Variants in PAM16 observed in about 807,000 individuals in gnomAD.
The protein encoded by PAM16 is presequence translocase associated motor 16, also known as mitochondrial import inner membrane translocase subunit TIM16.
Under a neutral mutation model 17.9 loss-of-function variants are expected in PAM16, and 11 were observed. The observed-to-expected ratio is 0.62, with a 90% CI of 0.39 to 1.02. PAM16 has a LOEUF of 1.02. Among genes scored for constraint, PAM16 ranks in the 50% least tolerant of loss-of-function variants. The probability of loss-of-function intolerance (pLI) is 0.01; values close to 1 mark genes in which losing one functional copy is unlikely to be tolerated. For synonymous variants in PAM16, 72 were observed against 67.4 expected, an observed-to-expected ratio of 1.07 and a Z score of -0.34; for missense variants, 199 against 165.4, an observed-to-expected ratio of 1.20 and a Z score of -1.11.
intron 1 of PAM16, among the ~76,000 whole-genome samples, chr16:4,344,551 C>CGTGAGAGGAGGGGGTTGT (rs2053714570): frequency 3.8e-4 from 1 of 2,658 alleles, no homozygotes. Context: ...GAGGGGGTTC[C>CGTGAGAGGAGGGGGTTGT]GTGAGAGGAG....
Position 4,351,303 on chromosome 16 carries a change from C to A in PAM16, c.-69G>T. 7.6e-7 allele frequency: 1 copy of A among 1,315,312 alleles called. No homozygotes were observed. The highest frequency in any genetic ancestry group is 1.0e-6 in the Non-Finnish European group (1 of 993,168). 81.5% of individuals were successfully genotyped at this position (1,315,312 alleles called of 1,614,324 possible). On this transcript the variant is annotated 5_prime_UTR_variant, in exon 1 of 5. Coordinates refer to ENST00000318059, the MANE Select transcript of PAM16 (RefSeq NM_016069.11). ...CCCGCGGCCGGGGATCAAGCGTGGT[C>A]GGCGGGTCAGAGGTCAAGGAAAGCC...
intron 1 of PAM16, chr16:4,350,846 G>A (rs1191780606): frequency 5.4e-6 from 1 of 186,610 alleles, no homozygotes; most frequent in African/African-American, 2.3e-5. Context: ...CACTTCCCTG[G>A]AAAGGCCAGC....
In PAM16 at chr16:4,351,128, G is replaced by A. The variant is rs548161499; in HGVS notation, c.3+104C>T. 5.9e-5 allele frequency: 33 copies of A among 556,596 alleles called. No homozygotes were observed. In the South Asian group the frequency reaches 1.9e-3, roughly 32 times the overall value. 34.5% of individuals were successfully genotyped at this position (556,596 alleles called of 1,614,324 possible). On this transcript the variant is annotated intron_variant, in intron 1 of 4. Coordinates refer to ENST00000318059, the MANE Select transcript of PAM16 (RefSeq NM_016069.11). Reference sequence around the variant, plus strand: ...ACCATGCTTCCCGCCGGGCACGCAGGGGGCGCACGGCGCCCGCCGCCCAGC... The same window carrying A: ...ACCATGCTTCCCGCCGGGCACGCAGAGGGCGCACGGCGCCCGCCGCCCAGC...
intron 2 of PAM16, among the ~76,000 whole-genome samples, chr16:4,342,541 C>A (rs146655300): frequency 0.018 from 2,719 of 151,258 alleles, 78 homozygotes; most frequent in African/African-American, 0.061. Context: ...GTAGTCCCAG[C>A]TACTCAGGAG....
At position 4,351,255 on chromosome 16, in the gene PAM16, G is replaced by T. The variant is rs759696339; in HGVS notation, c.-21C>A. Reference sequence around the variant, plus strand: ...ACCATGGCAGCCGCTCTGCCTCCGGGGCTCAAACTCCGACTTCCTGGCCCC... The same window carrying T: ...ACCATGGCAGCCGCTCTGCCTCCGGTGCTCAAACTCCGACTTCCTGGCCCC... On this transcript the variant is annotated 5_prime_UTR_variant, in exon 1 of 5. Transcript: ENST00000318059. 4 of 1,467,834 alleles carry T rather than the reference G, an allele frequency of 2.7e-6. No individual in the cohort carries two copies. Among genetic ancestry groups the T allele is most frequent in the South Asian group, 2.8e-5 (2 of 70,436 alleles). The allele number at this position is 1,467,834 out of a possible 1,614,324, so 90.9% of individuals were successfully genotyped here.
chr16:4,345,987 T>C, intron 1 of PAM16: 1 of 985,320 alleles, frequency 1.0e-6, no homozygotes, highest in Non-Finnish European at 1.2e-6. Flanking sequence ...ACTTGTTTAC[T>C]TTTCTGCCAA....
At position 4,341,378 on chromosome 16, in the gene PAM16, T is replaced by C; in HGVS notation, c.215A>G (p.Glu72Gly). Residue 72 changes from glutamate to glycine, a missense_variant, in exon 3 of 5, where the codon GAG (glutamate) becomes GGG (glycine). By Grantham distance (98) the Glu-to-Gly change is moderately conservative. Coordinates refer to ENST00000318059, the MANE Select transcript of PAM16 (RefSeq NM_016069.11). Reference sequence around the variant, plus strand: ...GCCCAGTGGCCTCACCTTCTGGACCTCCTCAGGGCTCAGCTTGGACACGTT... The same window carrying C: ...GCCCAGTGGCCTCACCTTCTGGACCCCCTCAGGGCTCAGCTTGGACACGTT... The part of the protein sequence containing the change: ...ILNVSKLSPE[E>G]VQKNYEHLFK... 2 of 1,580,544 alleles carry C rather than the reference T, an allele frequency of 1.3e-6. No individual in the cohort carries two copies. Among genetic ancestry groups the C allele is most frequent in the Admixed American group, 3.6e-5 (2 of 54,950 alleles).
At chr16:4,345,427 A>C (rs1181635842) in intron 1 of PAM16, 3 of 152,108 alleles carry the variant, frequency 2.0e-5, no homozygotes, top group African/African-American at 7.2e-5. Flanking sequence ...GTCACTACGC[A>C]GGGTCCCGGG....
In PAM16 at chr16:4,343,183, C is replaced by G. The variant is rs755796402; in HGVS notation, c.88+24G>C. 4 of 1,612,178 alleles carry G rather than the reference C, an allele frequency of 2.5e-6. No individual in the cohort carries two copies. The Admixed American group carries it at 6.7e-5, about 27-fold the overall frequency. On this transcript the variant is annotated intron_variant, in intron 2 of 4. Transcript: ENST00000318059. ...GACCTGGAGAGGAACTCCCAGCCCA[C>G]AGGGGAGACGGACCCATGCTTACCT...
intron 1 of PAM16, 61 bp downstream of exon 1, chr16:4,351,171 G>GC: frequency 9.3e-7 from 1 of 1,076,498 alleles, no homozygotes; most frequent in Non-Finnish European, 1.2e-6. Context: ...TCGCCGCCCG[G>GC]CCCCCGGCCC....
chr16:4,346,013 C>CA, intron 1 of PAM16: 1 of 978,994 alleles, frequency 1.0e-6, no homozygotes, highest in Non-Finnish European at 1.2e-6. Flanking sequence ...ATGACTGTTG[C>CA]AAAATAATGA....
chr16:4,343,541 C>T (rs1421710985), intron 1 of PAM16: 2 of 1,417,496 alleles, frequency 1.4e-6, no homozygotes, highest in African/African-American at 1.4e-5. Context: ...CTGGCCCCAC[C>T]TCATCCTTCA....
chr16:4,351,187 C>G (rs2053853172), intron 1 of PAM16, 45 bp downstream of exon 1: 1 of 1,246,296 alleles, frequency 8.0e-7, no homozygotes, highest in African/African-American at 1.5e-5. Flanking sequence ...GGCCCCCGGC[C>G]CGACTCGGCT....
At chr16:4,341,664 G>A in intron 2 of PAM16, 160 bp from the exon 3 acceptor site, 3 of 1,259,684 alleles carry the variant, frequency 2.4e-6, no homozygotes, top group Non-Finnish European at 3.2e-6. Context: ...CCTTTTTAGG[G>A]GGTAGAGGCT....
At position 4,340,294 on chromosome 16, in the gene PAM16, G is replaced by A. The variant is rs753648100; in HGVS notation, c.*25C>T. 18 of 1,593,312 alleles carry A rather than the reference G, an allele frequency of 1.1e-5. No individual in the cohort carries two copies. The highest frequency in any genetic ancestry group is 4.5e-5 in the East Asian group (2 of 44,456). ...TACCAAGCTATAAATTAGAGGCGGC[G>A]GGGTGGGCGGGGGGAGCCGAGCAGT... On this transcript the variant is annotated 3_prime_UTR_variant, in exon 5 of 5. Coordinates refer to ENST00000318059, the MANE Select transcript of PAM16 (RefSeq NM_016069.11).
intron 2 of PAM16, among the ~76,000 whole-genome samples, chr16:4,342,462 C>G (rs1317832333): frequency 6.6e-6 from 1 of 151,676 alleles, no homozygotes; most frequent in Admixed American, 6.6e-5. Flanking sequence ...CAAGACCAGC[C>G]TGACCAACAC....
intron 2 of PAM16, among the ~76,000 whole-genome samples, chr16:4,342,475 A>C (rs1184907183): frequency 6.6e-6 from 1 of 150,860 alleles, no homozygotes; most frequent in Non-Finnish European, 1.5e-5. Context: ...ACCAACACGG[A>C]GAAACCCCGT....
intron 2 of PAM16, among the ~76,000 whole-genome samples, chr16:4,342,959 A>C (rs1284452593): frequency 6.6e-6 from 1 of 152,162 alleles, no homozygotes; most frequent in African/African-American, 2.4e-5. Flanking sequence ...CTCCATCTCC[A>C]AAAAAAGAAA....
At chr16:4,345,819 G>T in intron 1 of PAM16, 1 of 984,372 alleles carries the variant, frequency 1.0e-6, no homozygotes, top group Non-Finnish European at 1.2e-6. Flanking sequence ...CCCCTCCCGA[G>T]TGGAACAGGA....
Sources: gnomAD v4.1 joint callset for allele counts (sites outside exome capture counted in the v4.1 genomes callset) on GRCh38, gnomAD v4.1.1 for gene constraint, MANE v1.5 for transcripts, NCBI Gene and HGNC (gene_info 2026-07-23, HGNC 2026-07-21) for gene names.